The following MGAM2 variants were observed in gnomAD, a reference collection of about 807,000 sequenced individuals.
MGAM2 encodes the protein probable maltase-glucoamylase 2.
Under a neutral mutation model 96.1 loss-of-function variants are expected in MGAM2, and 98 were observed. The ratio of observed to expected loss-of-function variants is 1.02; its 90% CI spans 0.87 to 1.21. MGAM2 has a LOEUF of 1.21. Ranked by LOEUF, MGAM2 falls within the 50% of genes most tolerant of loss-of-function variation. The pLI is 0.00. For synonymous variants in MGAM2, 749 were observed against 414.8 expected (o/e 1.81, Z -9.79); for missense variants, 2,055 against 1,182.4 (o/e 1.74, Z -10.82).
At chr7:142,213,548 T>C (rs762734822) in intron 46 of MGAM2, among the ~76,000 whole-genome samples, 18 of 99,832 alleles carry the variant, frequency 1.8e-4, no homozygotes, top group Non-Finnish European at 3.6e-4. Context: ...TAAACACCTC[T>C]ATGCAAATAA....
At chr7:142,144,730 A>C (rs956398657) in intron 13 of MGAM2, 131 bp from the exon 14 acceptor site, 8 of 524,884 alleles carry the variant, frequency 1.5e-5, no homozygotes, top group African/African-American at 7.8e-5. Context: ...AAAATTAGGG[A>C]GATTATTTAA....
At chr7:142,163,245 T>G (rs1261557615) in intron 23 of MGAM2, among the ~76,000 whole-genome samples, 1 of 152,146 alleles carries the variant, frequency 6.6e-6, no homozygotes, top group Non-Finnish European at 1.5e-5. Flanking sequence ...CTACTAACAC[T>G]CATGTATAGG....
At chr7:142,170,286 T>G (rs1796149870) in intron 27 of MGAM2, 57 bp downstream of exon 27, 1 of 625,932 alleles carries the variant, frequency 1.6e-6, no homozygotes, top group South Asian at 1.9e-5. Context: ...TTACAGCAGT[T>G]ACAATTAATT....
chr7:142,202,132 T>C (rs1797255470), intron 45 of MGAM2, among the ~76,000 whole-genome samples: 2 of 152,104 alleles, frequency 1.3e-5, no homozygotes, highest in Admixed American at 1.3e-4. Flanking sequence ...AAATCCAGTC[T>C]ATAGTCACAG....
chr7:142,138,527 T>TA lies in MGAM2; in HGVS notation c.961-14dup. 5.7e-6 allele frequency: 4 copies of TA among 702,278 alleles called. No homozygotes were observed. In the South Asian group the frequency reaches 5.9e-5, roughly 10 times the overall value. 43.5% of individuals were successfully genotyped at this position (702,278 alleles called of 1,614,324 possible). ...ATGTTATTCTCAAAGCCTACACACT[T>TA]ACTTATCTTTTCAGCTTGTTGGACG... On this transcript the variant is annotated splice_polypyrimidine_tract_variant and intron_variant, in intron 9 of 47. Coordinates refer to ENST00000477922, the MANE Select transcript of MGAM2 (RefSeq NM_001293626.2).
At chr7:142,205,676 C>G (rs1270135780) in intron 45 of MGAM2, among the ~76,000 whole-genome samples, 1 of 152,030 alleles carries the variant, frequency 6.6e-6, no homozygotes, top group Non-Finnish European at 1.5e-5. Context: ...ATTATTGAAT[C>G]ATAAACAGTC....
At chr7:142,174,484 T>C (rs918634106) in intron 31 of MGAM2, among the ~76,000 whole-genome samples, 2 of 152,096 alleles carry the variant, frequency 1.3e-5, no homozygotes, top group African/African-American at 4.8e-5. Context: ...CTGTTGGTGG[T>C]GCATAGAAAT....
intron 45 of MGAM2, among the ~76,000 whole-genome samples, chr7:142,206,089 T>G (rs957608174): frequency 3.3e-5 from 5 of 152,206 alleles, no homozygotes; most frequent in Non-Finnish European, 7.4e-5. Flanking sequence ...TAAAAATCAA[T>G]AGACCATTAC....
In MGAM2 at chr7:142,170,157, G is replaced by A. The variant is rs1028492850; in HGVS notation, c.3110G>A (p.Arg1037His). 23 of 702,776 alleles carry A rather than the reference G, an allele frequency of 3.3e-5. No individual in the cohort carries two copies. Among genetic ancestry groups the A allele is most frequent in the East Asian group, 8.0e-5 (3 of 37,274 alleles). The allele number at this position is 702,776 out of a possible 1,614,324, so 43.5% of individuals were successfully genotyped here. The change falls in exon 27 of 48, where the codon CGT becomes CAT. Residue 1037 changes from arginine (R) to histidine (H), a missense_variant. Coordinates refer to ENST00000477922, the MANE Select transcript of MGAM2 (RefSeq NM_001293626.2). ...PPQPVGDPEN[R>H]LYDVRIQNNP... Reference sequence around the variant, plus strand: ...CAACCAGTTGGTGACCCTGAAAACCGTCTGTATGATGTCAGGATTCAGAAC... The same window carrying A: ...CAACCAGTTGGTGACCCTGAAAACCATCTGTATGATGTCAGGATTCAGAAC...
intron 10 of MGAM2, among the ~76,000 whole-genome samples, chr7:142,140,192 C>A (rs1795180271): frequency 6.6e-6 from 1 of 152,152 alleles, no homozygotes; most frequent in Non-Finnish European, 1.5e-5. Flanking sequence ...GCCCCCCTAC[C>A]TCCCAGTGCA....
intron 1 of MGAM2, among the ~76,000 whole-genome samples, chr7:142,115,334 T>C (rs28579072): frequency 0.39 from 59,575 of 151,986 alleles, 11,944 homozygotes; most frequent in South Asian, 0.47. Context: ...CTCCCTTGAG[T>C]TACGTGCGGC....
At chr7:142,210,892 G>A (rs563533596) in intron 46 of MGAM2, among the ~76,000 whole-genome samples, 12 of 152,352 alleles carry the variant, frequency 7.9e-5, no homozygotes, top group African/African-American at 2.9e-4. Context: ...CCTCCTGACA[G>A]GGAGATACCT....
intron 33 of MGAM2, among the ~76,000 whole-genome samples, chr7:142,184,120 G>T (rs1796626097): frequency 6.6e-6 from 1 of 151,460 alleles, no homozygotes. Flanking sequence ...TTACATGTGT[G>T]TGCCAACACT....
chr7:142,181,662 A>G (rs1161457901), intron 32 of MGAM2, among the ~76,000 whole-genome samples: 1 of 152,300 alleles, frequency 6.6e-6, no homozygotes, highest in Non-Finnish European at 1.5e-5. Flanking sequence ...GCCAAAGGTC[A>G]AGTCACCATG....
At chr7:142,129,751 G>A (rs1481200862) in intron 3 of MGAM2, among the ~76,000 whole-genome samples, 1 of 136,968 alleles carries the variant, frequency 7.3e-6, no homozygotes, top group Non-Finnish European at 1.5e-5. Context: ...CTTGAACCCA[G>A]GAGGCAGAGA....
chr7:142,176,918 T>C (rs1367326292), intron 32 of MGAM2, among the ~76,000 whole-genome samples: 4 of 152,224 alleles, frequency 2.6e-5, no homozygotes, highest in African/African-American at 9.6e-5. Flanking sequence ...TTCTATGTCA[T>C]TGGAAAAAAT....
At chr7:142,127,265 T>C (rs1794756500) in intron 3 of MGAM2, among the ~76,000 whole-genome samples, 1 of 152,204 alleles carries the variant, frequency 6.6e-6, no homozygotes. Context: ...TTCCCTAATT[T>C]GTCTTCTCCT....
At chr7:142,115,516 A>G (rs1817357687) in intron 1 of MGAM2, among the ~76,000 whole-genome samples, 1 of 152,198 alleles carries the variant, frequency 6.6e-6, no homozygotes, top group South Asian at 2.1e-4. Flanking sequence ...TGGAAAGATA[A>G]CAGCTGCCTT....
intron 17 of MGAM2, among the ~76,000 whole-genome samples, chr7:142,156,101 C>T (rs997220867): frequency 3.3e-5 from 5 of 151,614 alleles, no homozygotes; most frequent in Admixed American, 1.3e-4. Flanking sequence ...GCTGGGATCG[C>T]GCCATTGCAC....
Sources: allele counts gnomAD v4.1 joint callset (sites outside exome capture counted in the v4.1 genomes callset), GRCh38; gene constraint gnomAD v4.1.1; transcripts MANE v1.5; gene names NCBI Gene and HGNC (gene_info 2026-07-23, HGNC 2026-07-21).